Variants in MEI4 observed in about 807,000 individuals in gnomAD.
MEI4 encodes meiosis-specific protein MEI4.
A neutral mutation model predicts 31.4 loss-of-function variants in MEI4; 27 were observed. The ratio of observed to expected loss-of-function variants is 0.86; its 90% CI spans 0.63 to 1.19. The LOEUF is 1.19. Among genes scored for constraint, MEI4 ranks in the 50% most tolerant of loss-of-function variants. The pLI is 0.00. For synonymous variants in MEI4, 122 were observed against 145.4 expected (o/e 0.84, Z 1.16); for missense variants, 329 against 398.9 (o/e 0.82, Z 1.49).
chr6:77,808,577 A>G (rs374149124), intron 3 of MEI4, among the ~76,000 whole-genome samples: 19 of 152,292 alleles, frequency 1.2e-4, no homozygotes, highest in Admixed American at 3.3e-4. Flanking sequence ...AATGTTTGCA[A>G]AAGGAAAAAG....
intron 4 of MEI4, among the ~76,000 whole-genome samples, chr6:77,839,173 C>G (rs1049761312): frequency 6.6e-6 from 1 of 151,946 alleles, no homozygotes; most frequent in African/African-American, 2.4e-5. Context: ...AAGGAATCCT[C>G]GGGACTTTTG....
At chr6:77,781,543 C>G (rs1768596911) in intron 3 of MEI4, among the ~76,000 whole-genome samples, 2 of 151,966 alleles carry the variant, frequency 1.3e-5, no homozygotes, top group African/African-American at 4.8e-5. Context: ...AATAATATCC[C>G]CAGGTAATTC....
At chr6:77,733,456 G>T (rs533845394) in intron 2 of MEI4, among the ~76,000 whole-genome samples, 1 of 152,178 alleles carries the variant, frequency 6.6e-6, no homozygotes, top group African/African-American at 2.4e-5. Flanking sequence ...TTGTATTTCT[G>T]TGTGATCGGT....
At chr6:77,915,420 C>G (rs1342884323) in intron 4 of MEI4, among the ~76,000 whole-genome samples, 4 of 151,986 alleles carry the variant, frequency 2.6e-5, no homozygotes, top group African/African-American at 9.7e-5. Context: ...TCTTGACTGG[C>G]AGGTTTTTTC....
chr6:77,804,469 A>G (rs535164615), intron 3 of MEI4, among the ~76,000 whole-genome samples: 4 of 152,022 alleles, frequency 2.6e-5, no homozygotes, highest in Non-Finnish European at 1.5e-5. Flanking sequence ...TCCTGCACCC[A>G]CTTTCCGACA....
At chr6:77,681,927 A>G (rs9341682) in intron 1 of MEI4, among the ~76,000 whole-genome samples, 20,490 of 152,210 alleles carry the variant, frequency 0.13, 1,462 homozygotes, top group Middle Eastern at 0.2. Context: ...GTAAATCCTC[A>G]TTCTTTTATG....
At chr6:77,829,569 T>C (rs1770030488) in intron 4 of MEI4, among the ~76,000 whole-genome samples, 1 of 152,180 alleles carries the variant, frequency 6.6e-6, no homozygotes, top group South Asian at 2.1e-4. Context: ...GCACTTCAGG[T>C]GATTTCAGTA....
intron 4 of MEI4, among the ~76,000 whole-genome samples, chr6:77,865,830 A>G (rs1771011429): frequency 1.3e-5 from 2 of 152,242 alleles, no homozygotes; most frequent in South Asian, 4.1e-4. Context: ...AAAATCCTCA[A>G]TAAAATACTG....
chr6:77,887,281 T>C (rs1483915319), intron 4 of MEI4, among the ~76,000 whole-genome samples: 1 of 151,940 alleles, frequency 6.6e-6, no homozygotes, highest in South Asian at 2.1e-4. Flanking sequence ...CTCTTAGTAT[T>C]TATTTCTTTT....
At chr6:77,806,695 A>G (rs899376061) in intron 3 of MEI4, among the ~76,000 whole-genome samples, 2 of 152,132 alleles carry the variant, frequency 1.3e-5, no homozygotes, top group Admixed American at 6.6e-5. Flanking sequence ...GGTCATATTT[A>G]CTGAATGTCT....
chr6:77,837,989 T>G lies in MEI4; in HGVS notation c.900+8927T>G, dbSNP rs183089520. On this transcript the variant is annotated intron_variant, in intron 4 of 4. Coordinates refer to ENST00000684080, the MANE Select transcript of MEI4 (RefSeq NM_001322247.2). ...AGTGCCACCTATCTCATACAGTTTT[T>G]GGGGGTCTCATGAGGTAATCATATT... 2.9e-3 allele frequency among the ~76,000 whole-genome samples: 447 copies of G among 152,292 alleles called. 3 individuals are homozygous for G. The highest frequency in any genetic ancestry group is 0.01 in the African/African-American group (422 of 41,588).
At chr6:77,658,616 G>C (rs150336576) in intron 1 of MEI4, among the ~76,000 whole-genome samples, 1,835 of 152,234 alleles carry the variant, frequency 0.012, 34 homozygotes, top group African/African-American at 0.041. Flanking sequence ...TAGAGTGGGA[G>C]AGATTAAGCT....
chr6:77,912,978 A>G (rs765927578), intron 4 of MEI4, among the ~76,000 whole-genome samples: 7 of 152,080 alleles, frequency 4.6e-5, no homozygotes, highest in Non-Finnish European at 8.8e-5. Context: ...ATGTTGAAGT[A>G]TGTTCCTTCT....
chr6:77,822,092 AC>A (rs1333376232), intron 3 of MEI4, among the ~76,000 whole-genome samples: 3 of 151,968 alleles, frequency 2.0e-5, no homozygotes, highest in East Asian at 3.9e-4. Flanking sequence ...TTTTCTTTTG[AC>A]CATTGAGGAC....
chr6:77,757,535 G>A (rs1409287562), intron 2 of MEI4, among the ~76,000 whole-genome samples: 2 of 152,346 alleles, frequency 1.3e-5, no homozygotes, highest in East Asian at 3.9e-4. Context: ...GGGATGAGAT[G>A]GAGTGGATGT....
intron 3 of MEI4, among the ~76,000 whole-genome samples, chr6:77,825,172 A>G (rs1348196941): frequency 1.3e-5 from 2 of 152,248 alleles, no homozygotes; most frequent in African/African-American, 4.8e-5. Context: ...TTATAAAATC[A>G]GAAGGCATAT....
chr6:77,871,267 C>T (rs927457165), intron 4 of MEI4, among the ~76,000 whole-genome samples: 3 of 152,040 alleles, frequency 2.0e-5, no homozygotes, highest in Non-Finnish European at 4.4e-5. Context: ...GAATCTTGAC[C>T]CCTCGTGTTC....
chr6:77,687,335 A>G (rs1338023892), intron 1 of MEI4, among the ~76,000 whole-genome samples: 9 of 152,136 alleles, frequency 5.9e-5, no homozygotes, highest in Non-Finnish European at 8.8e-5. Flanking sequence ...GCATAAATTG[A>G]ATTTAAAAAG....
chr6:77,775,660 T>C (rs563482010), intron 3 of MEI4, among the ~76,000 whole-genome samples: 1 of 152,260 alleles, frequency 6.6e-6, no homozygotes, highest in African/African-American at 2.4e-5. Context: ...TGTGTAAGTA[T>C]TTTTTGTGTA....
Sources: gnomAD v4.1 joint callset for allele counts (sites outside exome capture counted in the v4.1 genomes callset) on GRCh38, gnomAD v4.1.1 for gene constraint, MANE v1.5 for transcripts, NCBI Gene and HGNC (gene_info 2026-07-23, HGNC 2026-07-21) for gene names.